The following GCA variants were observed in gnomAD, a reference collection of about 807,000 sequenced individuals.
GCA encodes the protein grancalcin, also known as grancalcin, EF-hand calcium-binding protein.
In GCA, 30 loss-of-function variants were observed where a neutral mutation model predicts 32.6. That is an observed-to-expected ratio of 0.92 (90% CI 0.69 to 1.25). GCA has a LOEUF of 1.25. Among genes scored for constraint, GCA ranks in the 50% most tolerant of loss-of-function variants. The pLI is 0.00. For synonymous variants in GCA, 102 were observed against 84.6 expected (o/e 1.21, Z -1.13); for missense variants, 291 against 266.8 (o/e 1.09, Z -0.63).
At position 162,363,115 on chromosome 2, in the gene GCA, T is replaced by C. The variant is rs1177548817; in HGVS notation, c.*2872T>C. Reference sequence around the variant, plus strand: ...CTGGACAAACAAAATAAATACTCTTTGTCGGAAATGTGCTCTTTGTCTTTT... The same window carrying C: ...CTGGACAAACAAAATAAATACTCTTCGTCGGAAATGTGCTCTTTGTCTTTT... On this transcript the variant is annotated 3_prime_UTR_variant, in exon 8 of 8. Coordinates refer to ENST00000437150, the MANE Select transcript of GCA (RefSeq NM_012198.5). Among the ~76,000 whole-genome samples, 2 of 151,406 alleles carry C rather than the reference T, an allele frequency of 1.3e-5. No individual in the cohort carries two copies. Among genetic ancestry groups the C allele is most frequent in the Non-Finnish European group, 3.0e-5 (2 of 67,518 alleles).
chr2:162,345,081 C>T (rs955843948), intron 1 of GCA, among the ~76,000 whole-genome samples: 1 of 96,354 alleles, frequency 1.0e-5, no homozygotes, highest in Non-Finnish European at 2.2e-5. Context: ...TTACTCCTAC[C>T]CCTTGGAGTT....
intron 4 of GCA, among the ~76,000 whole-genome samples, chr2:162,369,437 T>C (rs1007336408): frequency 3.2e-4 from 49 of 152,150 alleles, no homozygotes; most frequent in Admixed American, 3.2e-3. Context: ...AGCAATGATG[T>C]CAAGGAATTA....
chr2:162,321,108 G>A (rs1455663526), intron 1 of GCA, among the ~76,000 whole-genome samples: 1 of 152,136 alleles, frequency 6.6e-6, no homozygotes, highest in Non-Finnish European at 1.5e-5. Flanking sequence ...TTGGAGAAAG[G>A]AGGTTAAGGA....
At chr2:162,369,953 T>C (rs759096685) in intron 4 of GCA, among the ~76,000 whole-genome samples, 2 of 152,144 alleles carry the variant, frequency 1.3e-5, no homozygotes, top group Non-Finnish European at 2.9e-5. Flanking sequence ...TAATAGTATA[T>C]GTTGGAATTG....
exon 5 of GCA, chr2:162,371,586 T>TA (rs1685948907): frequency 1.1e-6 from 1 of 879,634 alleles, no homozygotes; most frequent in Non-Finnish European, 1.6e-6. Flanking sequence ...AAAATAAAAA[T>TA]AAAAAATAAG....
At chr2:162,366,888 G>A (rs2105369667), downstream of GCA, among the ~76,000 whole-genome samples, 1 of 151,916 alleles carries the variant, frequency 6.6e-6, no homozygotes, top group Middle Eastern at 3.4e-3. Flanking sequence ...ATAAGTTTTT[G>A]TTATACAGTA....
At position 162,344,201 on chromosome 2, in the gene GCA, T is replaced by TGCGGACGCGACTCGAGGGTG; in HGVS notation, c.-47_-28dup. 1 of 1,611,950 alleles carries TGCGGACGCGACTCGAGGGTG rather than the reference T, an allele frequency of 6.2e-7. No individual in the cohort carries two copies. The highest frequency in any genetic ancestry group is 2.2e-5 in the East Asian group (1 of 44,842). On this transcript the variant is annotated 5_prime_UTR_variant, in exon 1 of 8. Transcript: ENST00000437150. ...GCGCCTGTGCTTTTTCTCCCAGCAC[T>TGCGGACGCGACTCGAGGGTG]GCGGACGCGACTCGAGGGTGACGCT...
chr2:162,373,929 C>A (rs1686061569), downstream of GCA, among the ~76,000 whole-genome samples: 1 of 152,048 alleles, frequency 6.6e-6, no homozygotes, highest in African/African-American at 2.4e-5. Context: ...GTTTACTAAC[C>A]TTCATTGATT....
downstream of GCA, among the ~76,000 whole-genome samples, chr2:162,365,311 AT>A (rs537609100): frequency 6.6e-5 from 10 of 151,530 alleles, no homozygotes; most frequent in African/African-American, 2.4e-4. Flanking sequence ...ATTTGCAACC[AT>A]TTTTTACATG....
intron 4 of GCA, among the ~76,000 whole-genome samples, chr2:162,368,969 T>C (rs906521256): frequency 1.3e-5 from 2 of 152,102 alleles, no homozygotes; most frequent in African/African-American, 4.8e-5. Context: ...CAGGAGATCA[T>C]TGGATTCAAA....
At chr2:162,327,550 A>G (rs755355584) in intron 1 of GCA, among the ~76,000 whole-genome samples, 21 of 152,156 alleles carry the variant, frequency 1.4e-4, no homozygotes, top group Non-Finnish European at 2.8e-4. Flanking sequence ...TGACATATTA[A>G]GCAAGAAGCA....
downstream of GCA, among the ~76,000 whole-genome samples, chr2:162,363,195 G>A (rs185657914): frequency 4.0e-5 from 6 of 151,250 alleles, no homozygotes; most frequent in Admixed American, 4.0e-4. Flanking sequence ...TAGTTTTCTG[G>A]GTAATTAATA....
downstream of GCA, among the ~76,000 whole-genome samples, chr2:162,368,095 T>G (rs1290039744): frequency 6.6e-6 from 1 of 151,858 alleles, no homozygotes; most frequent in Admixed American, 6.6e-5. Context: ...ACCCCTAAAT[T>G]TTCTGATTTA....
At chr2:162,343,353 AT>A (rs1399491656), upstream of GCA, among the ~76,000 whole-genome samples, 1 of 152,244 alleles carries the variant, frequency 6.6e-6, no homozygotes, top group Non-Finnish European at 1.5e-5. Flanking sequence ...GTAATTGAAC[AT>A]TTAACAAGAG....
chr2:162,321,898 A>ATG lies in GCA; in HGVS notation c.-31+2674_-31+2675insGT, dbSNP rs1291732443. 8.8e-5 allele frequency among the ~76,000 whole-genome samples: 7 copies of ATG among 79,112 alleles called. 1 individual carries two copies. The highest frequency in any genetic ancestry group is 1.8e-4 in the Non-Finnish European group (7 of 39,436). 51.9% of individuals were successfully genotyped at this position (79,112 alleles called of 152,430 possible). A position where few individuals can be genotyped will look rare whatever the true frequency, so the allele number is the denominator to read the frequency against. On this transcript the variant is annotated intron_variant, in intron 1 of 4. Transcript: ENST00000429691. The stretch of plus-strand genomic sequence containing the variant: ...AATTTAGTTACATATATATATATAT[A>ATG]TATATATATATATATATATATATAT...
chr2:162,350,954 T>A (rs569631227), intron 2 of GCA, among the ~76,000 whole-genome samples: 2 of 152,302 alleles, frequency 1.3e-5, no homozygotes, highest in East Asian at 3.9e-4. Context: ...AGGTGCAACA[T>A]CTGACTTAGG....
intron 4 of GCA, among the ~76,000 whole-genome samples, chr2:162,370,057 T>C (rs1245019381): frequency 1.3e-5 from 2 of 152,166 alleles, no homozygotes; most frequent in African/African-American, 4.8e-5. Flanking sequence ...ACAGATTGCC[T>C]TCCACATGGA....
rs75671050 is a variant in GCA at position 162,361,281 on chromosome 2, C to T, written c.*1038C>T. The stretch of plus-strand genomic sequence containing the variant: ...CTTTTCTGCGTGGTACTAAAACTGC[C>T]GAAAATGCGACGTAGAATCACCAGA... On this transcript the variant is annotated 3_prime_UTR_variant, in exon 8 of 8. Transcript: ENST00000437150. The T allele has an allele frequency of 0.02, 19,515 of 984,372 alleles. 227 individuals are homozygous for T. The highest frequency in any genetic ancestry group is 0.028 in the South Asian group (600 of 21,260). 61.0% of individuals were successfully genotyped at this position (984,372 alleles called of 1,614,324 possible).
At chr2:162,328,218 C>CAAA (rs35156397) in intron 1 of GCA, among the ~76,000 whole-genome samples, 64 of 90,014 alleles carry the variant, frequency 7.1e-4, no homozygotes, top group African/African-American at 2.3e-3. Context: ...CTGTTTCTAC[C>CAAA]AAAAAAAAAA....
Sources: allele counts gnomAD v4.1 joint callset (sites outside exome capture counted in the v4.1 genomes callset), GRCh38; gene constraint gnomAD v4.1.1; transcripts MANE v1.5; gene names NCBI Gene and HGNC (gene_info 2026-07-23, HGNC 2026-07-21).